ELP4: variants seen among roughly 807,000 people sequenced by gnomAD.
The protein encoded by ELP4 is elongator complex protein 4.
ELP4 carries 51 observed loss-of-function variants against 48.9 expected under a neutral mutation model. That is an observed-to-expected ratio of 1.04 (90% confidence interval 0.83 to 1.32). The LOEUF (loss-of-function observed/expected upper bound fraction) is 1.32, where lower values mean the gene tolerates loss of function less well. Ranked by LOEUF, ELP4 falls within the 40% of genes most tolerant of loss-of-function variation. ELP4 has a pLI of 0.00. For missense variants in ELP4, 519 were observed against 514.6 expected, an observed-to-expected ratio of 1.01 and a Z score of -0.08; for synonymous variants, 210 against 189.2, an observed-to-expected ratio of 1.11 and a Z score of -0.90.
intron 9 of ELP4, among the ~76,000 whole-genome samples, chr11:31,703,387 G>C (rs953768738): frequency 3.9e-5 from 6 of 152,104 alleles, no homozygotes; most frequent in African/African-American, 1.4e-4. Flanking sequence ...CTGTGACTCT[G>C]CTAGTTTTAA....
chr11:31,515,001 A>ATGTGTGTGTG (rs753678395), intron 1 of ELP4, among the ~76,000 whole-genome samples: 9 of 131,938 alleles, frequency 6.8e-5, no homozygotes, highest in African/African-American at 2.6e-4. Context: ...TGCTGTATGC[A>ATGTGTGTGTG]TGTGTGTGTG....
chr11:31,640,631 G>T (rs1275481432), intron 7 of ELP4, among the ~76,000 whole-genome samples: 3 of 151,906 alleles, frequency 2.0e-5, no homozygotes, highest in African/African-American at 7.2e-5. Flanking sequence ...AATTAGGCTT[G>T]TAACCTCTTT....
intron 5 of ELP4, among the ~76,000 whole-genome samples, chr11:31,611,832 A>G (rs1957986181): frequency 6.6e-6 from 1 of 152,232 alleles, no homozygotes; most frequent in Non-Finnish European, 1.5e-5. Flanking sequence ...ATATAAAGAA[A>G]AAACATTTTC....
At position 31,647,916 on chromosome 11, in the gene ELP4, A is replaced by T. The variant is rs1357188067; in HGVS notation, c.1036+67A>T. 3 of 851,922 alleles carry T rather than the reference A, an allele frequency of 3.5e-6. No individual in the cohort carries two copies. In the South Asian group the frequency reaches 4.1e-5, roughly 12 times the overall value. 52.8% of individuals were successfully genotyped at this position (851,922 alleles called of 1,614,324 possible). A position where few individuals can be genotyped will look rare whatever the true frequency, so the allele number is the denominator to read the frequency against. On this transcript the variant is annotated intron_variant, in intron 8 of 9. Transcript: ENST00000640961. ...CTTCTAGGTTACCTGGAAGCATCCTATTCAATCCAAATATCTACTGTCAAG... is the reference window on the plus strand; with the variant it reads ...CTTCTAGGTTACCTGGAAGCATCCTTTTCAATCCAAATATCTACTGTCAAG...
chr11:31,546,847 A>T (rs1292613354), intron 3 of ELP4, among the ~76,000 whole-genome samples: 1 of 152,206 alleles, frequency 6.6e-6, no homozygotes, highest in Non-Finnish European at 1.5e-5. Context: ...AAAACCGCTC[A>T]ACTGTATGGA....
intron 3 of ELP4, among the ~76,000 whole-genome samples, chr11:31,566,565 C>CA (rs1957115499): frequency 6.6e-6 from 1 of 152,130 alleles, no homozygotes; most frequent in Non-Finnish European, 1.5e-5. Context: ...AACTTACTAG[C>CA]ATGATAACAT....
intron 9 of ELP4, among the ~76,000 whole-genome samples, chr11:31,694,192 T>C (rs1946348553): frequency 6.6e-6 from 1 of 152,152 alleles, no homozygotes; most frequent in Non-Finnish European, 1.5e-5. Context: ...CAATTTTGGC[T>C]TTTGTTGCCA....
At chr11:31,754,917 C>T (rs1947801342) in intron 9 of ELP4, among the ~76,000 whole-genome samples, 1 of 152,124 alleles carries the variant, frequency 6.6e-6, no homozygotes, top group African/African-American at 2.4e-5. Context: ...ACCCCCATAA[C>T]AATGGCATTC....
At chr11:31,561,358 A>G (rs1347692805) in intron 3 of ELP4, among the ~76,000 whole-genome samples, 1 of 152,206 alleles carries the variant, frequency 6.6e-6, no homozygotes, top group African/African-American at 2.4e-5. Context: ...ATAGATGCCA[A>G]AGTTCATTCT....
intron 3 of ELP4, among the ~76,000 whole-genome samples, chr11:31,550,430 A>G (rs1409800051): frequency 6.6e-6 from 1 of 152,220 alleles, no homozygotes; most frequent in Non-Finnish European, 1.5e-5. Context: ...AACCATAAAC[A>G]TTATTTCAAA....
At chr11:31,723,797 A>G (rs965535632) in intron 9 of ELP4, among the ~76,000 whole-genome samples, 1 of 152,220 alleles carries the variant, frequency 6.6e-6, no homozygotes, top group African/African-American at 2.4e-5. Flanking sequence ...TTATGCACTG[A>G]AAAAGCAGAT....
In ELP4 at chr11:31,784,816, A is replaced by T. The variant is rs1948478601; in HGVS notation, c.*1292A>T. 1 of 175,580 alleles carries T rather than the reference A, an allele frequency of 5.7e-6. No homozygotes were observed. Among genetic ancestry groups the T allele is most frequent in the Admixed American group, 6.3e-5 (1 of 15,760 alleles). The allele number at this position is 175,580 out of a possible 1,614,324, so 10.9% of individuals were successfully genotyped here. On this transcript the variant is annotated 3_prime_UTR_variant, in exon 10 of 10. Transcript: ENST00000640961. ...ATACTGTATACAGCTTTTATTCAGA[A>T]TTAGAATAATTGAATCAATGACAGT...
intron 9 of ELP4, among the ~76,000 whole-genome samples, chr11:31,703,884 T>G (rs1946575994): frequency 6.6e-6 from 1 of 152,226 alleles, no homozygotes; most frequent in South Asian, 2.1e-4. Context: ...ATAGAAATCA[T>G]TTGAAACTGG....
chr11:31,629,530 A>C (rs1365599953), intron 6 of ELP4, among the ~76,000 whole-genome samples: 1 of 151,984 alleles, frequency 6.6e-6, no homozygotes, highest in Non-Finnish European at 1.5e-5. Flanking sequence ...ATTTTCATTC[A>C]CTTGATATAC....
At chr11:31,776,152 CAAAAAAAAAAAAAA>C (rs371572032) in intron 9 of ELP4, among the ~76,000 whole-genome samples, 2 of 51,720 alleles carry the variant, frequency 3.9e-5, no homozygotes, top group African/African-American at 1.6e-4. Flanking sequence ...CCCTATCTCA[CAAAAAAAAAAAAAA>C]AAAAAAAAAG....
At chr11:31,554,810 A>T (rs576522620) in intron 3 of ELP4, among the ~76,000 whole-genome samples, 143 of 152,286 alleles carry the variant, frequency 9.4e-4, no homozygotes, top group Non-Finnish European at 1.6e-3. Flanking sequence ...TAGTGTCATC[A>T]TATCCATTAT....
At chr11:31,686,928 G>C (rs1946174091) in intron 9 of ELP4, among the ~76,000 whole-genome samples, 1 of 152,010 alleles carries the variant, frequency 6.6e-6, no homozygotes, top group Non-Finnish European at 1.5e-5. Flanking sequence ...GGGTGGGGTG[G>C]GGTGACAAGA....
At chr11:31,598,599 C>G (rs1957721685) in intron 4 of ELP4, among the ~76,000 whole-genome samples, 1 of 147,606 alleles carries the variant, frequency 6.8e-6, no homozygotes, top group Non-Finnish European at 1.5e-5. Context: ...CCTTGACCTC[C>G]CAGGTTCAGG....
intron 9 of ELP4, among the ~76,000 whole-genome samples, chr11:31,665,525 TA>T (rs1277761235): frequency 6.6e-6 from 1 of 152,094 alleles, no homozygotes; most frequent in African/African-American, 2.4e-5. Flanking sequence ...TTATGCTTTC[TA>T]AAATATTATA....
Sources: allele counts gnomAD v4.1 joint callset (sites outside exome capture counted in the v4.1 genomes callset), GRCh38; gene constraint gnomAD v4.1.1; transcripts MANE v1.5; gene names NCBI Gene and HGNC (gene_info 2026-07-23, HGNC 2026-07-21).